PDZD2: variants seen among roughly 807,000 people sequenced by gnomAD.
PDZD2 encodes PDZ domain-containing protein 2.
A neutral mutation model predicts 220.7 loss-of-function variants in PDZD2; 90 were observed. The ratio of observed to expected loss-of-function variants is 0.41; its 90% CI spans 0.34 to 0.49. PDZD2 has a LOEUF of 0.49. PDZD2 is among the 20% of genes least tolerant of loss of function. The pLI is 0.28. For synonymous variants in PDZD2, 1,375 were observed against 1,450.5 expected, an observed-to-expected ratio of 0.95 and a Z score of 1.18; for missense variants, 3,174 against 3,608.5, an observed-to-expected ratio of 0.88 and a Z score of 3.08.
rs74477860 is a variant in PDZD2 at position 31,895,264 on chromosome 5, C to G, written c.477-87891C>G. On this transcript the variant is annotated intron_variant, in intron 2 of 24. Coordinates refer to ENST00000438447, the MANE Select transcript of PDZD2 (RefSeq NM_178140.4). Reference sequence around the variant, plus strand: ...ACAGTCCATTTGTTGAAATCCTAACCCTGAAGGTTGAGGGTATCAGGAGGT... The same window carrying G: ...ACAGTCCATTTGTTGAAATCCTAACGCTGAAGGTTGAGGGTATCAGGAGGT... Among the ~76,000 whole-genome samples the G allele has an allele frequency of 4.1e-3, 630 of 152,190 alleles. 8 individuals carry two copies. The highest frequency in any genetic ancestry group is 0.013 in the African/African-American group (558 of 41,526).
chr5:32,065,716 G>C (rs1209291886), intron 14 of PDZD2, among the ~76,000 whole-genome samples: 3 of 152,172 alleles, frequency 2.0e-5, no homozygotes, highest in Non-Finnish European at 4.4e-5. Flanking sequence ...TGCATCCAGA[G>C]TTTTTTGAAT....
chr5:31,976,714 C>CTTTTTTTTTTTTTTTTTTTTTT (rs869280921), intron 2 of PDZD2, among the ~76,000 whole-genome samples: 7 of 99,718 alleles, frequency 7.0e-5, no homozygotes, highest in Non-Finnish European at 1.2e-4. Flanking sequence ...TTTCTTCTTT[C>CTTTTTTTTTTTTTTTTTTTTTT]TTTTTTTTTT....
chr5:31,947,196 CAAAGACCAGGTTCTAT>C (rs1394634032), intron 2 of PDZD2, among the ~76,000 whole-genome samples: 2 of 152,208 alleles, frequency 1.3e-5, no homozygotes, highest in Admixed American at 6.5e-5. Flanking sequence ...CCAGAGTCTA[CAAAGACCAGGTTCTAT>C]GTGTACTCTC....
Position 32,000,151 on chromosome 5 carries a change from G to C in PDZD2, c.1134G>C (p.Leu378=). 1 of 1,614,094 alleles carries C rather than the reference G, an allele frequency of 6.2e-7. No individual in the cohort carries two copies. Among genetic ancestry groups the C allele is most frequent in the Non-Finnish European group, 8.5e-7 (1 of 1,179,944 alleles). The part of the protein sequence containing the change: ...EGGAAHRDGR[L]SLGDELLVIN... ...TCCCTTTCCTCAGGGATGGCAGGCT[G>C]TCCTTAGGAGATGAGCTGCTGGTAA... Residue 378 remains leucine (L), a synonymous_variant, in exon 5 of 25, where the codon CTG becomes CTC. Coordinates refer to ENST00000438447, the MANE Select transcript of PDZD2 (RefSeq NM_178140.4). The surrounding 1 kb of genome is among the most constrained non-coding windows in gnomAD (Gnocchi z 4.5).
At chr5:31,776,551 C>T (rs532371620) in intron 1 of PDZD2, among the ~76,000 whole-genome samples, 8 of 151,258 alleles carry the variant, frequency 5.3e-5, no homozygotes, top group Non-Finnish European at 1.0e-4. Flanking sequence ...CTCCTGACCT[C>T]GTGATCTGCC....
At chr5:32,031,791 C>A (rs1031195145) in intron 6 of PDZD2, among the ~76,000 whole-genome samples, 10 of 152,150 alleles carry the variant, frequency 6.6e-5, no homozygotes, top group South Asian at 6.2e-4. Flanking sequence ...TTCTTTTTAA[C>A]CCTCATGATA....
intron 2 of PDZD2, among the ~76,000 whole-genome samples, chr5:31,968,670 CA>C (rs773158928): frequency 5.2e-5 from 7 of 133,398 alleles, no homozygotes; most frequent in African/African-American, 8.4e-5. Flanking sequence ...AACAAACAAA[CA>C]AACAAAAAAA....
intron 2 of PDZD2, among the ~76,000 whole-genome samples, chr5:31,854,338 G>C (rs1294953540): frequency 6.6e-6 from 1 of 152,208 alleles, no homozygotes; most frequent in Non-Finnish European, 1.5e-5. Flanking sequence ...CCCCACAGAA[G>C]GTGGGAGGGG....
chr5:31,862,200 G>T (rs1446946982), intron 2 of PDZD2, among the ~76,000 whole-genome samples: 1 of 149,128 alleles, frequency 6.7e-6, no homozygotes, highest in Non-Finnish European at 1.5e-5. Flanking sequence ...CCACCCCAGG[G>T]TTCCAACGAT....
intron 1 of PDZD2, among the ~76,000 whole-genome samples, chr5:31,671,117 T>A (rs1267900738): frequency 2.6e-5 from 4 of 152,112 alleles, no homozygotes; most frequent in African/African-American, 7.2e-5. Context: ...CGATGTCTGC[T>A]ACAATCCATT....
chr5:31,824,908 C>T (rs1168982661), intron 2 of PDZD2, among the ~76,000 whole-genome samples: 2 of 152,216 alleles, frequency 1.3e-5, no homozygotes, highest in African/African-American at 4.8e-5. Flanking sequence ...GTTCTTAGGA[C>T]AGTGCATGGC....
rs60679810 is a variant in PDZD2, at chr5:31,827,709, A to AG, written c.476+27985_476+27986insG. ...TCTGTCTCAAAAAAAATAAATAAAT[A>AG]AAAAAATAAAAATAATTTTAAAATG... is the stretch of plus-strand genomic sequence containing the variant. On this transcript the variant is annotated intron_variant, in intron 2 of 24. Transcript: ENST00000438447. Among the ~76,000 whole-genome samples the AG allele has an allele frequency of 2.9e-4, 42 of 144,346 alleles. 7 individuals are homozygous for AG. The highest frequency in any genetic ancestry group is 6.5e-4 in the South Asian group (3 of 4,590). The allele number at this position is 144,346 out of a possible 152,430, so 94.7% of individuals were successfully genotyped here. A position where few individuals can be genotyped will look rare whatever the true frequency, so the allele number is the denominator to read the frequency against.
Position 31,782,903 on chromosome 5 carries a change from G to A in PDZD2, c.-360-15986G>A, listed in dbSNP as rs549446870. Among the ~76,000 whole-genome samples, 90 of 151,632 alleles carry A rather than the reference G, an allele frequency of 5.9e-4. 1 individual carries two copies. In the South Asian group the frequency reaches 8.1e-3, roughly 14 times the overall value. ...TAATTTTTGTATTTTTAGTAGAGAC[G>A]GGGTTTCACCATGTTGGCCAGGCTG... is the stretch of plus-strand genomic sequence containing the variant. On this transcript the variant is annotated intron_variant, in intron 1 of 24. Transcript: ENST00000438447.
chr5:32,007,460 C>CA (rs1377338041), intron 5 of PDZD2, among the ~76,000 whole-genome samples: 3 of 151,666 alleles, frequency 2.0e-5, no homozygotes, highest in African/African-American at 7.3e-5. Flanking sequence ...GGACTGAACT[C>CA]ACTTTTTTTT....
At position 31,983,589 on chromosome 5, in the gene PDZD2, G is replaced by C; in HGVS notation, c.911G>C (p.Ser304Thr). The C allele has an allele frequency of 6.2e-7, 1 of 1,614,168 alleles. No homozygotes were observed. The highest frequency in any genetic ancestry group is 8.5e-7 in the Non-Finnish European group (1 of 1,180,002). The change falls in exon 3 of 25, where the codon AGC (serine) becomes ACC (threonine). Residue 304 changes from serine to threonine, a missense_variant. Physicochemically the swap from Ser to Thr is moderately conservative, Grantham distance 58. Transcript: ENST00000438447. ...AAGACAGATGCTCCTCTGACCACAA[G>C]CAATGACAAACGCCGCTTCTCAAAA... ...IPKTDAPLTT[S>T]NDKRRFSKGG...
At chr5:31,726,719 A>T (rs778317004) in intron 1 of PDZD2, among the ~76,000 whole-genome samples, 1 of 152,110 alleles carries the variant, frequency 6.6e-6, no homozygotes, top group Non-Finnish European at 1.5e-5. Context: ...AGACCATCCT[A>T]TTTGAGGCTT....
chr5:31,813,158 T>A (rs542469682), intron 2 of PDZD2, among the ~76,000 whole-genome samples: 1 of 152,260 alleles, frequency 6.6e-6, no homozygotes, highest in South Asian at 2.1e-4. Flanking sequence ...ATTTAAAATC[T>A]AAGTATTCAC....
At chr5:31,717,956 G>C (rs1486494399) in intron 1 of PDZD2, among the ~76,000 whole-genome samples, 6 of 152,208 alleles carry the variant, frequency 3.9e-5, no homozygotes, top group Non-Finnish European at 8.8e-5. Context: ...GCCCCTCCCA[G>C]CTCCTCTTTG....
At chr5:31,953,571 T>G (rs1252935326) in intron 2 of PDZD2, among the ~76,000 whole-genome samples, 3 of 152,122 alleles carry the variant, frequency 2.0e-5, no homozygotes. Flanking sequence ...TCCCTACACT[T>G]TAGGAGACCA....
Sources: gnomAD v4.1 joint callset for allele counts (sites outside exome capture counted in the v4.1 genomes callset) on GRCh38, gnomAD v4.1.1 for gene constraint, Gnocchi (gnomAD v3.1) non-coding constraint, MANE v1.5 for transcripts, NCBI Gene and HGNC (gene_info 2026-07-23, HGNC 2026-07-21) for gene names.